The following SMPDL3B variants were observed in gnomAD, a reference collection of about 807,000 sequenced individuals.
SMPDL3B encodes the protein sphingomyelin phosphodiesterase acid like 3B, also known as acid sphingomyelinase-like phosphodiesterase 3b.
SMPDL3B carries 31 observed loss-of-function variants against 37.9 expected under a neutral mutation model. The observed-to-expected ratio is 0.82, with a 90% confidence interval of 0.61 to 1.10. The LOEUF (loss-of-function observed/expected upper bound fraction) is 1.10, where lower values mean the gene tolerates loss of function less well. Ranked by LOEUF, SMPDL3B falls within the 50% of genes least tolerant of loss-of-function variation. SMPDL3B has a pLI of 0.00. For synonymous variants in SMPDL3B, 235 were observed against 242.6 expected (o/e 0.97, Z 0.29); for missense variants, 525 against 597.8 (o/e 0.88, Z 1.27).
intron 1 of SMPDL3B, among the ~76,000 whole-genome samples, chr1:27,937,005 A>G (rs1239821240): frequency 6.8e-6 from 1 of 147,514 alleles, no homozygotes; most frequent in Non-Finnish European, 1.5e-5. Context: ...TGGGCGACAG[A>G]GTGAGGCTCC....
At position 27,939,644 on chromosome 1, in the gene SMPDL3B, C is replaced by T. The variant is rs114675548; in HGVS notation, c.61+4400C>T. Among the ~76,000 whole-genome samples, 338 of 152,126 alleles carry T rather than the reference C, an allele frequency of 2.2e-3. 1 individual carries two copies. Among genetic ancestry groups the T allele is most frequent in the African/African-American group, 7.7e-3 (320 of 41,490 alleles). On this transcript the variant is annotated intron_variant, in intron 1 of 7. Coordinates refer to ENST00000373894, the MANE Select transcript of SMPDL3B (RefSeq NM_014474.4). ...GACCAGACTGGGCAACATGGCAAAC[C>T]CCACCTCTACAAAAAAGTACAAGAA...
intron 4 of SMPDL3B, 66 bp downstream of exon 4, chr1:27,953,424 C>A: frequency 1.5e-6 from 2 of 1,354,980 alleles, no homozygotes; most frequent in Admixed American, 2.2e-5. Flanking sequence ...TTCGTCTTCA[C>A]AACAACCTCT....
chr1:27,951,210 A>G (rs2090453206), intron 3 of SMPDL3B, among the ~76,000 whole-genome samples: 1 of 152,194 alleles, frequency 6.6e-6, no homozygotes. Context: ...GCTACCAATT[A>G]TAATCTGACA....
intron 1 of SMPDL3B, among the ~76,000 whole-genome samples, chr1:27,942,010 G>GAC (rs1301160367): frequency 6.6e-6 from 1 of 151,882 alleles, no homozygotes; most frequent in Non-Finnish European, 1.5e-5. Context: ...CACACACACA[G>GAC]ACACACACGC....
In SMPDL3B at chr1:27,945,393, A is replaced by G; in HGVS notation, c.223A>G (p.Ile75Val). Residue 75 changes from isoleucine (I) to valine (V), a missense_variant, in exon 2 of 8, where the codon ATC (isoleucine) becomes GTC (valine). Physicochemically the swap from Ile to Val is conservative, Grantham distance 29. Transcript: ENST00000373894. This position sits in a 1 kb window ranked among gnomAD's most constrained non-coding sequence, Gnocchi z 4.0. ...DSPWALINSS[I>V]YAMKEIEPEP... ...TCCCTGGGCCCTCATCAACTCCTCC[A>G]TCTATGCCATGAAGGAGATTGAGCC... The G allele has an allele frequency of 1.2e-6, 2 of 1,614,052 alleles. No homozygotes were observed. The highest frequency in any genetic ancestry group is 2.2e-5 in the South Asian group (2 of 91,074).
In SMPDL3B at chr1:27,935,159, G is replaced by A. The variant is rs189568411; in HGVS notation, c.-25G>A. 5,723 of 1,605,588 alleles carry A rather than the reference G, an allele frequency of 3.6e-3. 17 individuals are homozygous for A. Among genetic ancestry groups the A allele is most frequent in the Non-Finnish European group, 4.2e-3 (4,927 of 1,172,448 alleles). On this transcript the variant is annotated 5_prime_UTR_variant, in exon 1 of 8. Transcript: ENST00000373894. ...CAACAACAGTGCCTGAGAATCCCACGGCTCTGGGGAAGTGAGCCCCGAGGA... is the reference window on the plus strand; with the variant it reads ...CAACAACAGTGCCTGAGAATCCCACAGCTCTGGGGAAGTGAGCCCCGAGGA...
At chr1:27,954,880 G>C (rs2090486745) in intron 5 of SMPDL3B, among the ~76,000 whole-genome samples, 2 of 152,196 alleles carry the variant, frequency 1.3e-5, no homozygotes, top group Admixed American at 1.3e-4. Flanking sequence ...GGGATGCCCT[G>C]CCCTTGAGTG....
chr1:27,941,359 A>G (rs1174799386), intron 1 of SMPDL3B: 3 of 152,218 alleles, frequency 2.0e-5, no homozygotes, highest in African/African-American at 7.2e-5. Context: ...AGACCAGTGT[A>G]TGAAAGTCTG....
At chr1:27,953,894 C>T (rs1214597858) in intron 4 of SMPDL3B, among the ~76,000 whole-genome samples, 2 of 152,196 alleles carry the variant, frequency 1.3e-5, no homozygotes, top group Admixed American at 6.5e-5. Flanking sequence ...CACAGCCAGC[C>T]CAAGGTGACT....
chr1:27,937,015 C>T (rs1036278301), intron 1 of SMPDL3B, among the ~76,000 whole-genome samples: 3 of 133,266 alleles, frequency 2.3e-5, no homozygotes, highest in East Asian at 2.3e-4. Flanking sequence ...AGTGAGGCTC[C>T]GTCTCAAAAA....
chr1:27,953,170 AGT>A, intron 3 of SMPDL3B, 43 bp from the exon 4 acceptor site: 1 of 1,523,118 alleles, frequency 6.6e-7, no homozygotes, highest in Non-Finnish European at 9.0e-7. Flanking sequence ...AACTCCCCCG[AGT>A]GCTTTTGCAT....
rs533714206 is a variant in SMPDL3B at position 27,955,878 on chromosome 1, A to G, written c.871+14A>G. The G allele has an allele frequency of 6.2e-7, 1 of 1,611,822 alleles. No individual in the cohort carries two copies. The highest frequency in any genetic ancestry group is 8.5e-7 in the Non-Finnish European group (1 of 1,178,222). On this transcript the variant is annotated intron_variant, in intron 6 of 7. Transcript: ENST00000373894. ...ATGATGATGCAGGTATTCAACCTGG[A>G]GGGCAACTGCCAGCTCCCTCCCTCC...
chr1:27,946,871 G>T (rs2090413086), intron 2 of SMPDL3B, among the ~76,000 whole-genome samples: 1 of 152,152 alleles, frequency 6.6e-6, no homozygotes, highest in Non-Finnish European at 1.5e-5. Flanking sequence ...GACAGCTCTG[G>T]CTTCCTTGGG....
At chr1:27,939,800 TTTTGTTTGTTTGTTTTTG>T (rs889944757) in intron 1 of SMPDL3B, among the ~76,000 whole-genome samples, 2 of 138,938 alleles carry the variant, frequency 1.4e-5, no homozygotes, top group African/African-American at 2.7e-5. Flanking sequence ...CAGCCTGGGT[TTTTGTTTGTTTGTTTTTG>T]TTTGTTTGTT....
chr1:27,955,846 A>G lies in SMPDL3B; in HGVS notation c.853A>G (p.Met285Val), dbSNP rs1361661476. ...GCACCACCACACCGACAGCTTTCGG[A>G]TGCTCTATGATGATGCAGGTATTCA... ...FGHHHTDSFRMLYDDAGVPIS... is the reference protein window; with the variant it reads ...FGHHHTDSFRVLYDDAGVPIS... The change falls in exon 6 of 8, where the codon ATG becomes GTG. Residue 285 changes from methionine to valine, a missense_variant. Met to Val is a conservative substitution (Grantham distance 21). Coordinates refer to ENST00000373894, the MANE Select transcript of SMPDL3B (RefSeq NM_014474.4). The G allele has an allele frequency of 6.2e-7, 1 of 1,613,382 alleles. No individual in the cohort carries two copies. Among genetic ancestry groups the G allele is most frequent in the Admixed American group, 1.7e-5 (1 of 59,994 alleles).
intron 3 of SMPDL3B, among the ~76,000 whole-genome samples, chr1:27,950,896 C>T (rs1189294929): frequency 6.6e-6 from 1 of 152,138 alleles, no homozygotes; most frequent in East Asian, 1.9e-4. Context: ...TCCCAAAGTG[C>T]TGGGATTACA....
chr1:27,957,768 C>A (rs1638333928), intron 7 of SMPDL3B, among the ~76,000 whole-genome samples: 2 of 152,144 alleles, frequency 1.3e-5, no homozygotes, highest in South Asian at 4.1e-4. Context: ...AGGGAGTCAG[C>A]CCTGAGCTTG....
At position 27,958,533 on chromosome 1, in the gene SMPDL3B, T is replaced by A; in HGVS notation, c.1063T>A (p.Trp355Arg). The A allele has an allele frequency of 6.2e-7, 1 of 1,613,808 alleles. No individual in the cohort carries two copies. Among genetic ancestry groups the A allele is most frequent in the Non-Finnish European group, 8.5e-7 (1 of 1,179,852 alleles). The change falls in exon 8 of 8, where the codon TGG becomes AGG. Residue 355 changes from tryptophan to arginine, a missense_variant. Transcript: ENST00000373894. The surrounding 1 kb of genome is among the most constrained non-coding windows in gnomAD (Gnocchi z 5.6). ...SQANAQGTPR[W>R]ELEYQLTEAY... Reference sequence around the variant, plus strand: ...GGCGAATGCTCAGGGGACGCCGCGCTGGGAGCTCGAGTACCAGCTGACCGA... The same window carrying A: ...GGCGAATGCTCAGGGGACGCCGCGCAGGGAGCTCGAGTACCAGCTGACCGA...
Position 27,958,791 on chromosome 1 carries a change from C to G in SMPDL3B, c.1321C>G (p.Pro441Ala). The change falls in exon 8 of 8, where the codon CCG (proline) becomes GCG (alanine). Residue 441 changes from proline to alanine, a missense_variant. Pro to Ala is a conservative substitution (Grantham distance 27). Transcript: ENST00000373894. This position sits in a 1 kb window ranked among gnomAD's most constrained non-coding sequence, Gnocchi z 5.6. Reference sequence around the variant, plus strand: ...TGGCACCACGCCCGTGCCCCAGCTCCCGCTGCTGCTGATGGCCCTGCTGGG... The same window carrying G: ...TGGCACCACGCCCGTGCCCCAGCTCGCGCTGCTGCTGATGGCCCTGCTGGG... ...ASGTTPVPQL[P>A]LLLMALLGLC... is the part of the protein sequence containing the mutation. 6.2e-7 allele frequency: 1 copy of G among 1,607,832 alleles called. No homozygotes were observed. Among genetic ancestry groups the G allele is most frequent in the Non-Finnish European group, 8.5e-7 (1 of 1,175,948 alleles).
Sources: allele counts gnomAD v4.1 joint callset (sites outside exome capture counted in the v4.1 genomes callset), GRCh38; gene constraint gnomAD v4.1.1; non-coding constraint Gnocchi (gnomAD v3.1); transcripts MANE v1.5; gene names NCBI Gene and HGNC (gene_info 2026-07-23, HGNC 2026-07-21).